Variants in DOCK9 observed in about 807,000 individuals in gnomAD.
DOCK9 encodes dedicator of cytokinesis protein 9.
A neutral mutation model predicts 263.3 loss-of-function variants in DOCK9; 89 were observed. That is an observed-to-expected ratio of 0.34 (90% confidence interval 0.28 to 0.40). DOCK9 has a LOEUF of 0.40. Ranked by LOEUF, DOCK9 falls within the 10% of genes least tolerant of loss-of-function variation. The probability of loss-of-function intolerance (pLI) is 1.00; values close to 1 mark genes in which losing one functional copy is unlikely to be tolerated. For synonymous variants in DOCK9, 976 were observed against 973.1 expected, an observed-to-expected ratio of 1.00 and a Z score of -0.06; for missense variants, 2,140 against 2,603.4, an observed-to-expected ratio of 0.82 and a Z score of 3.87.
intron 1 of DOCK9, among the ~76,000 whole-genome samples, chr13:99,052,272 G>C (rs905413102): frequency 6.6e-6 from 1 of 152,288 alleles, no homozygotes; most frequent in East Asian, 1.9e-4. Flanking sequence ...CTTCCACAGA[G>C]ACCCTCACCC....
At chr13:98,923,595 A>G (rs560714468) in intron 4 of DOCK9, among the ~76,000 whole-genome samples, 1 of 152,338 alleles carries the variant, frequency 6.6e-6, no homozygotes, top group East Asian at 1.9e-4. Flanking sequence ...AAGACAGCAT[A>G]GCTTCTGGGG....
chr13:98,830,884 T>C (rs1458876378), intron 41 of DOCK9, among the ~76,000 whole-genome samples: 3 of 152,334 alleles, frequency 2.0e-5, no homozygotes, highest in South Asian at 2.1e-4. Context: ...CATGTGTTTG[T>C]AGAAAAAGAG....
intron 1 of DOCK9, among the ~76,000 whole-genome samples, chr13:99,080,243 C>G (rs1193558374): frequency 6.7e-6 from 1 of 148,658 alleles, no homozygotes; most frequent in Non-Finnish European, 1.5e-5. Flanking sequence ...CTACTGCTCT[C>G]ATGATACCTA....
chr13:98,956,174 G>C (rs1231540720), intron 1 of DOCK9, among the ~76,000 whole-genome samples: 1 of 152,202 alleles, frequency 6.6e-6, no homozygotes, highest in Non-Finnish European at 1.5e-5. Context: ...GGGTGAATCC[G>C]AGGGGATGGG....
intron 1 of DOCK9, among the ~76,000 whole-genome samples, chr13:98,965,488 G>A (rs1379179836): frequency 2.6e-5 from 4 of 152,194 alleles, no homozygotes; most frequent in Non-Finnish European, 5.9e-5. Flanking sequence ...ATCAGAACCT[G>A]TGATTATCCA....
At chr13:98,914,098 A>G (rs1284893241) in intron 9 of DOCK9, among the ~76,000 whole-genome samples, 2 of 152,230 alleles carry the variant, frequency 1.3e-5, no homozygotes, top group African/African-American at 4.8e-5. Context: ...AGGGAAAAAA[A>G]CACTTAAAAT....
Position 98,863,207 on chromosome 13 carries a change from T to A in DOCK9, c.3466-75A>T, listed in dbSNP as rs1387380464. On this transcript the variant is annotated intron_variant, in intron 31 of 52. Transcript: ENST00000682017. Reference sequence around the variant, plus strand: ...AACTAAGTTGGTGCTGACCATCTCCTTTATTTGGATCCTTCCTATAAAGAC... The same window carrying A: ...AACTAAGTTGGTGCTGACCATCTCCATTATTTGGATCCTTCCTATAAAGAC... 8 of 1,499,666 alleles carry A rather than the reference T, an allele frequency of 5.3e-6. No homozygotes were observed. The East Asian group carries it at 1.9e-4, about 35-fold the overall frequency. 92.9% of individuals were successfully genotyped at this position (1,499,666 alleles called of 1,614,324 possible).
At chr13:98,983,211 T>C (rs1877629768) in intron 1 of DOCK9, among the ~76,000 whole-genome samples, 1 of 152,226 alleles carries the variant, frequency 6.6e-6, no homozygotes, top group Admixed American at 6.5e-5. Context: ...CCTTTTCTCT[T>C]GTTCTGGGGA....
At chr13:99,070,676 T>C (rs2041630762) in intron 1 of DOCK9, among the ~76,000 whole-genome samples, 2 of 152,228 alleles carry the variant, frequency 1.3e-5, no homozygotes, top group Non-Finnish European at 2.9e-5. Flanking sequence ...GTCCACTCTC[T>C]GGGTGAAGAA....
At chr13:98,930,410 C>T (rs2053728105) in intron 2 of DOCK9, among the ~76,000 whole-genome samples, 153 bp from the exon 3 acceptor site, 1 of 152,208 alleles carries the variant, frequency 6.6e-6, no homozygotes, top group Non-Finnish European at 1.5e-5. Flanking sequence ...CCGTCACACA[C>T]AACAGATTCC....
intron 1 of DOCK9, among the ~76,000 whole-genome samples, chr13:99,051,953 A>G (rs1204630484): frequency 6.6e-6 from 1 of 152,152 alleles, no homozygotes; most frequent in African/African-American, 2.4e-5. Context: ...GAAACACCAC[A>G]TATGAAAGAG....
Position 98,904,651 on chromosome 13 carries a change from TAA to T in DOCK9, c.1014_1015del (p.Phe338LeufsTer10). The T allele has an allele frequency of 6.4e-7, 1 of 1,557,192 alleles. No individual in the cohort carries two copies. The highest frequency in any genetic ancestry group is 8.7e-7 in the Non-Finnish European group (1 of 1,149,286). ...TCTTACCTGGGCATCTGGGTCCAAA[TAA>T]AAAAGTTTGACTCTGCTTTCACTTT... On this transcript the variant is annotated frameshift_variant, in exon 10 of 53. Transcript: ENST00000682017. LOFTEE classifies it high-confidence loss of function.
At chr13:98,902,237 A>C in intron 12 of DOCK9, 51 bp downstream of exon 12, 6 of 1,575,790 alleles carry the variant, frequency 3.8e-6, no homozygotes, top group Non-Finnish European at 5.2e-6. Flanking sequence ...GCATTTAGGT[A>C]GCATGCAAAG....
intron 1 of DOCK9, among the ~76,000 whole-genome samples, chr13:99,038,292 T>TCG (rs1566338386): frequency 1.8e-4 from 6 of 33,314 alleles, no homozygotes; most frequent in Admixed American, 5.1e-4. Context: ...GCCCCCCTTT[T>TCG]TTTTTTTTTT....
At chr13:98,952,229 A>G (rs1286848010) in intron 2 of DOCK9, among the ~76,000 whole-genome samples, 3 of 148,740 alleles carry the variant, frequency 2.0e-5, no homozygotes, top group African/African-American at 7.5e-5. Context: ...GCTGGGAACT[A>G]TTATTTTGAT....
chr13:98,881,757 G>T, intron 24 of DOCK9, 130 bp from the exon 25 acceptor site: 1 of 1,231,320 alleles, frequency 8.1e-7, no homozygotes. Flanking sequence ...GAATTAGATG[G>T]GGTCCTTACA....
chr13:99,064,662 C>T (rs556185234), intron 1 of DOCK9, among the ~76,000 whole-genome samples: 3 of 152,334 alleles, frequency 2.0e-5, no homozygotes, highest in East Asian at 3.9e-4. Context: ...AGGCTTCTTT[C>T]ATTTTTCCCT....
intron 27 of DOCK9, among the ~76,000 whole-genome samples, chr13:98,874,344 AG>A: frequency 6.6e-6 from 1 of 152,232 alleles, no homozygotes; most frequent in African/African-American, 2.4e-5. Flanking sequence ...ATTACTAAGT[AG>A]CATTCTATTG....
At chr13:99,040,718 G>A (rs919359350) in intron 1 of DOCK9, among the ~76,000 whole-genome samples, 1 of 152,108 alleles carries the variant, frequency 6.6e-6, no homozygotes, top group African/African-American at 2.4e-5. Flanking sequence ...AGGAGTCCAC[G>A]ACAACAGAGG....
Sources: gnomAD v4.1 joint callset for allele counts (sites outside exome capture counted in the v4.1 genomes callset) on GRCh38, gnomAD v4.1.1 for gene constraint, MANE v1.5 for transcripts, NCBI Gene and HGNC (gene_info 2026-07-23, HGNC 2026-07-21) for gene names.